The following NIPAL2 variants were observed in gnomAD, a reference collection of about 807,000 sequenced individuals.
NIPAL2 encodes the protein NIPA like domain containing 2, also known as NIPA-like protein 2.
NIPAL2 carries 43 observed loss-of-function variants against 48.9 expected under a neutral mutation model. The ratio of observed to expected loss-of-function variants is 0.88; its 90% CI spans 0.69 to 1.13. The LOEUF (loss-of-function observed/expected upper bound fraction) is 1.13. Ranked by LOEUF, NIPAL2 falls within the 50% of genes most tolerant of loss-of-function variation. The probability of loss-of-function intolerance (pLI) is 0.00; values close to 1 mark genes in which losing one functional copy is unlikely to be tolerated. For synonymous variants in NIPAL2, 167 were observed against 174.6 expected (o/e 0.96, Z 0.34); for missense variants, 446 against 461.4 (o/e 0.97, Z 0.31).
At chr8:98,210,793 A>G (rs1043441755) in intron 6 of NIPAL2, among the ~76,000 whole-genome samples, 5 of 152,204 alleles carry the variant, frequency 3.3e-5, no homozygotes, top group African/African-American at 1.2e-4. Context: ...GTCAGGATAA[A>G]TTACCCCTTT....
At position 98,193,499 on chromosome 8, in the gene NIPAL2, G is replaced by C. The variant is rs1810394011; in HGVS notation, c.1040-409C>G. On this transcript the variant is annotated intron_variant, in intron 10 of 10. Transcript: ENST00000430223. ...AAAGCTACTACGGAGCCTATGCACT[G>C]AGCTTTGTGAAATAAAAAATAGAGT... 3.1e-6 allele frequency: 4 copies of C among 1,294,730 alleles called. No individual in the cohort carries two copies. In the East Asian group the frequency reaches 9.2e-5, roughly 30 times the overall value. 80.2% of individuals were successfully genotyped at this position (1,294,730 alleles called of 1,614,324 possible).
intron 3 of NIPAL2, among the ~76,000 whole-genome samples, chr8:98,249,503 CATAT>C (rs963373435): frequency 1.7e-4 from 26 of 151,004 alleles, no homozygotes; most frequent in Middle Eastern, 3.5e-3. Flanking sequence ...ACATACATGT[CATAT>C]ATGTCATACG....
intron 1 of NIPAL2, among the ~76,000 whole-genome samples, chr8:98,276,492 AT>A (rs1815475420): frequency 6.6e-6 from 1 of 152,100 alleles, no homozygotes; most frequent in South Asian, 2.1e-4. Context: ...TTGCTTCCAA[AT>A]TTTGGTAATT....
In NIPAL2 at chr8:98,191,887, T is replaced by A. The variant is rs1390082195; in HGVS notation, c.*1091A>T. ...GGTTTGACCACTGGGTTGTTTTCTATGTCTACAGGTTTAAATGGCTGAAAT... is the reference window on the plus strand; with the variant it reads ...GGTTTGACCACTGGGTTGTTTTCTAAGTCTACAGGTTTAAATGGCTGAAAT... On this transcript the variant is annotated 3_prime_UTR_variant, in exon 11 of 11. Transcript: ENST00000430223. 1 of 152,214 alleles carries A rather than the reference T, an allele frequency of 6.6e-6. No homozygotes were observed. The highest frequency in any genetic ancestry group is 2.4e-5 in the African/African-American group (1 of 41,452). 9.4% of individuals were successfully genotyped at this position (152,214 alleles called of 1,614,324 possible). A position where few individuals can be genotyped will look rare whatever the true frequency, so the allele number is the denominator to read the frequency against.
intron 3 of NIPAL2, among the ~76,000 whole-genome samples, chr8:98,238,105 C>T (rs532075680): frequency 4.6e-5 from 7 of 152,296 alleles, no homozygotes; most frequent in African/African-American, 9.6e-5. Context: ...CTGCTACTGT[C>T]GCCTCAGGTA....
rs1292467365 is a variant in NIPAL2, at chr8:98,294,093, G to T, written c.45C>A (p.Ala15=). The stretch of plus-strand genomic sequence containing the variant: ...AATTCAGTGACAGCTCGTCCAGGGC[G>T]GCCGAGGCGGAGTCCCCGGGGCCCG... The part of the protein sequence containing the change: ...APAGPGDSAS[A]ALDELSLNFT... Residue 15 remains alanine (A), a synonymous_variant, in exon 1 of 11, where the codon GCC becomes GCA. Transcript: ENST00000430223. The T allele has an allele frequency of 3.4e-6, 5 of 1,489,752 alleles. No homozygotes were observed. Among genetic ancestry groups the T allele is most frequent in the African/African-American group, 1.5e-5 (1 of 68,398 alleles). The allele number at this position is 1,489,752 out of a possible 1,614,324, so 92.3% of individuals were successfully genotyped here. A position where few individuals can be genotyped will look rare whatever the true frequency, so the allele number is the denominator to read the frequency against.
chr8:98,231,603 G>A (rs1043562432), intron 4 of NIPAL2, among the ~76,000 whole-genome samples: 26 of 152,104 alleles, frequency 1.7e-4, no homozygotes, highest in Non-Finnish European at 7.4e-5. Flanking sequence ...GAGAAATCTG[G>A]TGCTTTTTTT....
intron 1 of NIPAL2, among the ~76,000 whole-genome samples, chr8:98,268,348 CG>C (rs1298242640): frequency 1.8e-4 from 27 of 151,966 alleles, no homozygotes; most frequent in African/African-American, 6.3e-4. Context: ...AGGCAGGGTG[CG>C]GTGGCTCATG....
In NIPAL2 at chr8:98,192,944, C is replaced by T. The variant is rs575336495; in HGVS notation, c.*34G>A. ...GTGCAATTTTTTAAAAAGGTGGTATCGAATAACAGGCCAACAGCCATCCTT... is the reference window on the plus strand; with the variant it reads ...GTGCAATTTTTTAAAAAGGTGGTATTGAATAACAGGCCAACAGCCATCCTT... On this transcript the variant is annotated 3_prime_UTR_variant, in exon 11 of 11. Coordinates refer to ENST00000430223, the MANE Select transcript of NIPAL2 (RefSeq NM_001321635.2). 16 of 1,368,056 alleles carry T rather than the reference C, an allele frequency of 1.2e-5. No individual in the cohort carries two copies. Among genetic ancestry groups the T allele is most frequent in the African/African-American group, 1.0e-4 (7 of 69,932 alleles). 84.7% of individuals were successfully genotyped at this position (1,368,056 alleles called of 1,614,324 possible). A position where few individuals can be genotyped will look rare whatever the true frequency, so the allele number is the denominator to read the frequency against.
chr8:98,203,256 C>A, intron 7 of NIPAL2, 60 bp from the exon 8 acceptor site: 13 of 1,191,416 alleles, frequency 1.1e-5, no homozygotes, highest in Non-Finnish European at 1.6e-5. Flanking sequence ...AATAAGTTAA[C>A]AATAACTTCA....
chr8:98,253,962 G>T, intron 2 of NIPAL2, 57 bp downstream of exon 2: 1 of 1,213,132 alleles, frequency 8.2e-7, no homozygotes, highest in Non-Finnish European at 1.2e-6. Flanking sequence ...GCCCATGAGA[G>T]TCATAATGTG....
chr8:98,245,981 G>T (rs530868704), intron 3 of NIPAL2, among the ~76,000 whole-genome samples: 2 of 152,154 alleles, frequency 1.3e-5, no homozygotes, highest in Non-Finnish European at 2.9e-5. Context: ...ACTATCACAG[G>T]CATCCTGTGA....
chr8:98,230,806 G>A (rs1475773844), intron 4 of NIPAL2, among the ~76,000 whole-genome samples: 1 of 152,166 alleles, frequency 6.6e-6, no homozygotes, highest in Non-Finnish European at 1.5e-5. Context: ...AATCTAAGAT[G>A]TACTTGCACA....
chr8:98,292,323 T>G (rs886844635), intron 1 of NIPAL2, among the ~76,000 whole-genome samples: 1 of 152,248 alleles, frequency 6.6e-6, no homozygotes, highest in Non-Finnish European at 1.5e-5. Flanking sequence ...CGAGTAAACT[T>G]TTTAAAAATT....
intron 1 of NIPAL2, among the ~76,000 whole-genome samples, chr8:98,278,405 TC>T (rs1441535932): frequency 6.6e-6 from 1 of 152,156 alleles, no homozygotes; most frequent in Non-Finnish European, 1.5e-5. Context: ...CTCTTTCTTC[TC>T]CATATGGAAC....
chr8:98,236,471 A>G (rs1713633924), intron 3 of NIPAL2, among the ~76,000 whole-genome samples: 1 of 152,200 alleles, frequency 6.6e-6, no homozygotes, highest in African/African-American at 2.4e-5. Flanking sequence ...GTTTGCTAAA[A>G]GACAGAACAA....
chr8:98,217,872 C>T (rs1285858300), intron 5 of NIPAL2, among the ~76,000 whole-genome samples: 1 of 152,100 alleles, frequency 6.6e-6, no homozygotes, highest in Admixed American at 6.5e-5. Flanking sequence ...ATGGGTTTCT[C>T]CCAGAACTGT....
chr8:98,216,067 C>G (rs1811559030), intron 5 of NIPAL2, among the ~76,000 whole-genome samples: 1 of 152,170 alleles, frequency 6.6e-6, no homozygotes, highest in African/African-American at 2.4e-5. Context: ...AAATGCATAG[C>G]CTATGGCCAT....
At chr8:98,213,196 C>T (rs1375780086) in intron 5 of NIPAL2, among the ~76,000 whole-genome samples, 1 of 152,174 alleles carries the variant, frequency 6.6e-6, no homozygotes, top group Non-Finnish European at 1.5e-5. Context: ...TCTCCAGCTG[C>T]ACTCCCCTCC....
Sources: allele counts gnomAD v4.1 joint callset (sites outside exome capture counted in the v4.1 genomes callset), GRCh38; gene constraint gnomAD v4.1.1; transcripts MANE v1.5; gene names NCBI Gene and HGNC (gene_info 2026-07-23, HGNC 2026-07-21).